VIT: variants seen among roughly 807,000 people sequenced by gnomAD.
VIT encodes vitrin.
In VIT, 99 loss-of-function variants were observed where a neutral mutation model predicts 78.0. That is an observed-to-expected ratio of 1.27 (90% CI 1.08 to 1.50). VIT has a LOEUF of 1.50. VIT is among the 40% of genes most tolerant of loss of function. VIT has a pLI of 0.00. For missense variants in VIT, 1,126 were observed against 875.3 expected, an observed-to-expected ratio of 1.29 and a Z score of -3.61; for synonymous variants, 374 against 334.3, an observed-to-expected ratio of 1.12 and a Z score of -1.29.
At chr2:36,814,108 G>A in intron 15 of VIT, 75 bp from the exon 16 acceptor site, 6 of 1,546,206 alleles carry the variant, frequency 3.9e-6, no homozygotes, top group Non-Finnish European at 5.3e-6. Flanking sequence ...TGCCAACAGG[G>A]CCACAAGAAG....
intron 4 of VIT, among the ~76,000 whole-genome samples, chr2:36,750,762 G>A (rs1389565499): frequency 2.0e-5 from 3 of 151,188 alleles, no homozygotes; most frequent in East Asian, 1.9e-4. Context: ...CGGAGGTTGC[G>A]GTGAGCCAAG....
At chr2:36,783,459 C>A in intron 11 of VIT, 57 bp downstream of exon 11, 2 of 1,563,592 alleles carry the variant, frequency 1.3e-6, no homozygotes, top group Non-Finnish European at 1.8e-6. Context: ...ACTGCTCTCT[C>A]CTCTCTTCCC....
At chr2:36,763,228 T>C (rs1317716622) in intron 6 of VIT, among the ~76,000 whole-genome samples, 1 of 152,050 alleles carries the variant, frequency 6.6e-6, no homozygotes, top group Admixed American at 6.5e-5. Flanking sequence ...GGAACCTGCA[T>C]TTTAACACCT....
rs1192664242 is a variant in VIT at position 36,705,453 on chromosome 2, G to A, written c.-19+8480G>A. 2.0e-5 allele frequency among the ~76,000 whole-genome samples: 3 copies of A among 152,168 alleles called. No homozygotes were observed. In the East Asian group the frequency reaches 5.8e-4, roughly 29 times the overall value. ...GTGGATGTGGTAAGCATTACCATAT[G>A]TCAGGTTCCTAACACAGTACAAAAT... On this transcript the variant is annotated intron_variant, in intron 1 of 15. Coordinates refer to ENST00000379242, the MANE Select transcript of VIT (RefSeq NM_053276.4).
intron 13 of VIT, among the ~76,000 whole-genome samples, 154 bp from the exon 14 acceptor site, chr2:36,805,284 A>C (rs938498239): frequency 6.7e-6 from 1 of 148,920 alleles, no homozygotes; most frequent in Non-Finnish European, 1.5e-5. Context: ...AGCCTGGGCA[A>C]CAGAGCAAGA....
intron 12 of VIT, among the ~76,000 whole-genome samples, chr2:36,790,646 C>G (rs1368666286): frequency 1.3e-5 from 2 of 152,162 alleles, no homozygotes; most frequent in South Asian, 2.1e-4. Context: ...AAATGCATGA[C>G]TGGGGCAGAG....
chr2:36,719,545 T>A (rs1308656027), intron 2 of VIT, among the ~76,000 whole-genome samples: 1 of 151,388 alleles, frequency 6.6e-6, no homozygotes, highest in Non-Finnish European at 1.5e-5. Flanking sequence ...CAATGAACTA[T>A]CTGAAAAAGA....
intron 1 of VIT, among the ~76,000 whole-genome samples, chr2:36,702,203 AT>A (rs779974214): frequency 6.6e-6 from 1 of 152,160 alleles, no homozygotes; most frequent in African/African-American, 2.4e-5. Context: ...GAGTGGAACC[AT>A]GCTTGGGAGG....
At chr2:36,813,488 T>G (rs1572595259) in intron 15 of VIT, among the ~76,000 whole-genome samples, 1 of 152,226 alleles carries the variant, frequency 6.6e-6, no homozygotes, top group South Asian at 2.1e-4. Flanking sequence ...TTTTTCATGT[T>G]CATCTTACAT....
At chr2:36,813,411 T>C (rs1667330526) in intron 15 of VIT, among the ~76,000 whole-genome samples, 1 of 152,100 alleles carries the variant, frequency 6.6e-6, no homozygotes, top group African/African-American at 2.4e-5. Context: ...GTCACACCAT[T>C]GCACTCTAGT....
intron 4 of VIT, among the ~76,000 whole-genome samples, chr2:36,748,594 G>T (rs1221430398): frequency 6.6e-6 from 1 of 152,112 alleles, no homozygotes; most frequent in Admixed American, 6.6e-5. Context: ...AGTTCAGTTT[G>T]GTTCTTTCTT....
At chr2:36,717,145 G>C (rs868061298) in intron 2 of VIT, among the ~76,000 whole-genome samples, 2 of 150,838 alleles carry the variant, frequency 1.3e-5, no homozygotes, top group East Asian at 3.9e-4. Flanking sequence ...AAAGTGCTGG[G>C]ATTACAGGCG....
At chr2:36,787,645 T>C (rs1665197647) in intron 12 of VIT, 1 of 330,944 alleles carries the variant, frequency 3.0e-6, no homozygotes, top group South Asian at 2.6e-5. Context: ...CTGTAGATCA[T>C]GAAGGTTGGA....
At chr2:36,700,740 AAATAATAAT>A (rs35617030) in intron 1 of VIT, among the ~76,000 whole-genome samples, 1 of 150,606 alleles carries the variant, frequency 6.6e-6, no homozygotes, top group Non-Finnish European at 1.5e-5. Flanking sequence ...TATCTCAATT[AAATAATAAT>A]AATAATAATA....
At chr2:36,726,383 A>G (rs574822797) in intron 2 of VIT, among the ~76,000 whole-genome samples, 11 of 152,368 alleles carry the variant, frequency 7.2e-5, no homozygotes, top group African/African-American at 2.6e-4. Context: ...ATGTTTGTTT[A>G]AAAGTATTCA....
intron 12 of VIT, among the ~76,000 whole-genome samples, chr2:36,792,564 C>T (rs1329084095): frequency 3.3e-5 from 5 of 152,258 alleles, no homozygotes; most frequent in Non-Finnish European, 1.5e-5. Context: ...CACCCTGATG[C>T]CCAATAGAAC....
At chr2:36,758,629 C>T (rs1054510735) in intron 5 of VIT, among the ~76,000 whole-genome samples, 4 of 152,330 alleles carry the variant, frequency 2.6e-5, no homozygotes, top group South Asian at 2.1e-4. Flanking sequence ...AGGGCTTTCC[C>T]GTTCACCTAC....
chr2:36,805,416 A>C, intron 13 of VIT, 22 bp from the exon 14 acceptor site: 1 of 1,580,632 alleles, frequency 6.3e-7, no homozygotes, highest in Non-Finnish European at 8.6e-7. Flanking sequence ...CACTCCAAGC[A>C]TGAATTTTCT....
rs1299579734 is a variant in VIT at position 36,714,306 on chromosome 2, C to T, written c.-18-2047C>T. Among the ~76,000 whole-genome samples, 3 of 152,114 alleles carry T rather than the reference C, an allele frequency of 2.0e-5. No homozygotes were observed. In the East Asian group the frequency reaches 5.8e-4, roughly 29 times the overall value. On this transcript the variant is annotated intron_variant, in intron 1 of 15. Transcript: ENST00000379242. ...ATCAAATATTGGATAGAAGCTTATA[C>T]TGGGCCTAGCTAGTACTAGATGGTG...
Sources: allele counts gnomAD v4.1 joint callset (sites outside exome capture counted in the v4.1 genomes callset), GRCh38; gene constraint gnomAD v4.1.1; transcripts MANE v1.5; gene names NCBI Gene and HGNC (gene_info 2026-07-23, HGNC 2026-07-21).